COL14A1: variants seen among roughly 807,000 people sequenced by gnomAD.
The protein encoded by COL14A1 is collagen type XIV alpha 1 chain, also known as collagen alpha-1(XIV) chain.
Under a neutral mutation model 230.3 loss-of-function variants are expected in COL14A1, and 136 were observed. That is an observed-to-expected ratio of 0.59 (90% CI 0.51 to 0.68). COL14A1 has a LOEUF of 0.68. Among genes scored for constraint, COL14A1 ranks in the 30% least tolerant of loss-of-function variants. The pLI is 0.00. For missense variants in COL14A1, 1,976 were observed against 2,215.8 expected, an observed-to-expected ratio of 0.89 and a Z score of 2.17; for synonymous variants, 792 against 784.1, an observed-to-expected ratio of 1.01 and a Z score of -0.17.
intron 36 of COL14A1, among the ~76,000 whole-genome samples, chr8:120,304,835 T>C (rs1395946119): frequency 3.9e-5 from 6 of 152,210 alleles, no homozygotes; most frequent in African/African-American, 1.4e-4. Flanking sequence ...CACTTAGTCA[T>C]ACCTACTTAC....
intron 5 of COL14A1, among the ~76,000 whole-genome samples, chr8:120,186,104 C>T: frequency 6.6e-6 from 1 of 152,186 alleles, no homozygotes; most frequent in African/African-American, 2.4e-5. Flanking sequence ...ATGGGGACAA[C>T]ATGGCTTCTC....
intron 5 of COL14A1, among the ~76,000 whole-genome samples, chr8:120,189,554 T>C (rs1324920403): frequency 1.3e-5 from 2 of 151,838 alleles, no homozygotes; most frequent in Admixed American, 1.3e-4. Flanking sequence ...TACATATGTA[T>C]ACATGTGCCA....
chr8:120,203,450 A>G (rs1817323218), intron 8 of COL14A1, among the ~76,000 whole-genome samples: 1 of 151,452 alleles, frequency 6.6e-6, no homozygotes, highest in African/African-American at 2.4e-5. Context: ...TTTTTTGCTT[A>G]TTTTCTTTCT....
chr8:120,167,758 C>A (rs2124471), intron 4 of COL14A1, among the ~76,000 whole-genome samples: 121,614 of 152,138 alleles, frequency 0.8, 48,929 homozygotes, highest in East Asian at 0.9. Flanking sequence ...CCAAGCTCAT[C>A]GGCTAAGTCC....
chr8:120,227,351 A>G lies in COL14A1; in HGVS notation c.2136A>G (p.Thr712=). Residue 712 remains threonine, a splice_region_variant and synonymous_variant, in exon 17 of 48, where the codon ACA becomes ACG. Coordinates refer to ENST00000297848, the MANE Select transcript of COL14A1 (RefSeq NM_021110.4). The part of the protein sequence containing the change: ...ESEVVTAVGT[T]LDSFWTEPAT... ...AGGTGGTGACTGCTGTCGGGACCAC[A>G]CGTAAGTCTTGGTCTGGCCACAGTG... is the stretch of plus-strand genomic sequence containing the variant. 1.9e-6 allele frequency: 3 copies of G among 1,613,456 alleles called. No individual in the cohort carries two copies. The highest frequency in any genetic ancestry group is 2.2e-5 in the South Asian group (2 of 91,034).
chr8:120,332,284 G>C, intron 41 of COL14A1, 90 bp downstream of exon 41: 1 of 1,251,448 alleles, frequency 8.0e-7, no homozygotes, highest in African/African-American at 1.5e-5. Context: ...TCTTTTACCA[G>C]CAGCCGTCTT....
intron 25 of COL14A1, 98 bp from the exon 26 acceptor site, chr8:120,269,937 C>T (rs1172883087): frequency 2.7e-5 from 34 of 1,267,246 alleles, no homozygotes; most frequent in Non-Finnish European, 2.0e-5. Flanking sequence ...TGAAAAAGAG[C>T]TTCACTTAGC....
intron 45 of COL14A1, among the ~76,000 whole-genome samples, chr8:120,364,059 A>C (rs916476942): frequency 1.3e-5 from 2 of 152,050 alleles, no homozygotes; most frequent in African/African-American, 4.8e-5. Context: ...AGGGCATTTC[A>C]AAAGAAGGAA....
At chr8:120,355,857 A>T (rs1822966215) in intron 45 of COL14A1, among the ~76,000 whole-genome samples, 1 of 152,226 alleles carries the variant, frequency 6.6e-6, no homozygotes, top group Non-Finnish European at 1.5e-5. Flanking sequence ...GACAGCTGGA[A>T]TTTATATCTG....
Position 120,225,097 on chromosome 8 carries a change from G to A in COL14A1, c.1747G>A (p.Asp583Asn), listed in dbSNP as rs139519867. ...CTTATTTCTTTGACAGGTTGAAGTC[G>A]ATCCTATTACTACCTTCCCTCTGAA... ...DGTEINEVEVDPITTFPLKGL... is the reference protein window; with the variant it reads ...DGTEINEVEVNPITTFPLKGL... The change falls in exon 15 of 48, where the codon GAT (aspartate) becomes AAT (asparagine). Residue 583 changes from aspartate (D) to asparagine (N), a missense_variant. Transcript: ENST00000297848. The A allele has an allele frequency of 1.1e-5, 17 of 1,609,718 alleles. No individual in the cohort carries two copies. In the African/African-American group the frequency reaches 1.1e-4, roughly 10 times the overall value.
chr8:120,214,609 A>G (rs535981252), intron 13 of COL14A1, among the ~76,000 whole-genome samples: 17 of 152,204 alleles, frequency 1.1e-4, no homozygotes, highest in Non-Finnish European at 2.1e-4. Context: ...TCACAAAGCC[A>G]CTGTGATTTA....
At chr8:120,290,359 G>T (rs957941669) in intron 34 of COL14A1, among the ~76,000 whole-genome samples, 3 of 151,060 alleles carry the variant, frequency 2.0e-5, no homozygotes, top group African/African-American at 7.3e-5. Context: ...GAGACTTCCA[G>T]TTGGCAAAGA....
At chr8:120,254,055 T>C (rs1017209293) in intron 22 of COL14A1, among the ~76,000 whole-genome samples, 4 of 152,212 alleles carry the variant, frequency 2.6e-5, no homozygotes, top group African/African-American at 9.6e-5. Context: ...AAAGGAACAG[T>C]GTAAATGTAT....
At position 120,345,430 on chromosome 8, in the gene COL14A1, C is replaced by T. The variant is rs1474265955; in HGVS notation, c.4944C>T (p.Ser1648=). 1.2e-6 allele frequency: 2 copies of T among 1,603,306 alleles called. No individual in the cohort carries two copies. The highest frequency in any genetic ancestry group is 1.7e-6 in the Non-Finnish European group (2 of 1,175,268). ...ACCAGATTCCCAGCCACTCCTCATCCATCCGGACTGTCCAAGGGCCTCCTG... is the reference window on the plus strand; with the variant it reads ...ACCAGATTCCCAGCCACTCCTCATCTATCCGGACTGTCCAAGGGCCTCCTG... ...ILNQIPSHSS[S]IRTVQGPPGE... is the part of the protein sequence containing the mutation. The change falls in exon 45 of 48, where the codon TCC becomes TCT. Residue 1648 remains serine (S), a synonymous_variant. Transcript: ENST00000297848.
chr8:120,278,306 T>G, intron 27 of COL14A1, 72 bp downstream of exon 27: 1 of 1,520,006 alleles, frequency 6.6e-7, no homozygotes, highest in Non-Finnish European at 8.8e-7. Flanking sequence ...GACCTTTTAT[T>G]TTAAGGCATA....
chr8:120,145,389 C>A (rs376749901), intron 1 of COL14A1, among the ~76,000 whole-genome samples: 1 of 152,132 alleles, frequency 6.6e-6, no homozygotes, highest in Non-Finnish European at 1.5e-5. Context: ...GAGGCCAAGG[C>A]GGGTGGATCA....
chr8:120,283,519 G>C, intron 31 of COL14A1, 117 bp from the exon 32 acceptor site: 1 of 1,015,770 alleles, frequency 9.8e-7, no homozygotes, highest in South Asian at 1.7e-5. Context: ...TGGTGTTAAT[G>C]GTGGTCTTTT....
At chr8:120,280,408 A>C (rs2129898453) in intron 29 of COL14A1, among the ~76,000 whole-genome samples, 1 of 152,362 alleles carries the variant, frequency 6.6e-6, no homozygotes, top group Admixed American at 6.5e-5. Context: ...AAATGTATTA[A>C]GAATTCTCAT....
chr8:120,250,990 T>C (rs1036075739), intron 22 of COL14A1, among the ~76,000 whole-genome samples: 1 of 152,140 alleles, frequency 6.6e-6, no homozygotes, highest in African/African-American at 2.4e-5. Context: ...ATATTTTTAG[T>C]AGAGATGGGG....
Sources: gnomAD v4.1 joint callset for allele counts (sites outside exome capture counted in the v4.1 genomes callset) on GRCh38, gnomAD v4.1.1 for gene constraint, MANE v1.5 for transcripts, NCBI Gene and HGNC (gene_info 2026-07-23, HGNC 2026-07-21) for gene names.